The following CCND3 variants were observed in gnomAD, a reference collection of about 807,000 sequenced individuals.
CCND3 encodes the protein cyclin D3.
A neutral mutation model predicts 28.7 loss-of-function variants in CCND3; 9 were observed. The ratio of observed to expected loss-of-function variants is 0.31; its 90% CI spans 0.19 to 0.55. CCND3 has a LOEUF of 0.55. Among genes scored for constraint, CCND3 ranks in the 20% least tolerant of loss-of-function variants. CCND3 has a pLI of 0.93. For synonymous variants in CCND3, 164 were observed against 163.9 expected, an observed-to-expected ratio of 1.00 and a Z score of 0.00; for missense variants, 315 against 385.8, an observed-to-expected ratio of 0.82 and a Z score of 1.54.
intron 1 of CCND3, among the ~76,000 whole-genome samples, chr6:42,013,281 C>T (rs115139943): frequency 0.022 from 3,329 of 152,264 alleles, 136 homozygotes; most frequent in African/African-American, 0.075. Flanking sequence ...ACAGTTGATT[C>T]ATGAGTTTAG....
At chr6:42,046,743 C>T (rs1288976896) in intron 1 of CCND3, among the ~76,000 whole-genome samples, 1 of 152,196 alleles carries the variant, frequency 6.6e-6, no homozygotes, top group Non-Finnish European at 1.5e-5. Context: ...TCACTGTAAA[C>T]AGTACCAGCC....
rs1267266392 is a variant in CCND3, at chr6:41,939,350, G to A, written c.414+1020C>T. 4.6e-5 allele frequency among the ~76,000 whole-genome samples: 7 copies of A among 152,082 alleles called. No individual in the cohort carries two copies. Among genetic ancestry groups the A allele is most frequent in the African/African-American group, 1.2e-4 (5 of 41,408 alleles). ...TCAGGGTCAGCAGAAGACTTGGCCC[G>A]CCACAGAGCAAGGTGGAGGAAGGTG... is the stretch of plus-strand genomic sequence containing the variant. On this transcript the variant is annotated intron_variant, in intron 2 of 4. Coordinates refer to ENST00000372991, the MANE Select transcript of CCND3 (RefSeq NM_001760.5). The surrounding 1 kb of genome is among the most constrained non-coding windows in gnomAD (Gnocchi z 4.2).
intron 1 of CCND3, among the ~76,000 whole-genome samples, chr6:42,036,397 A>AT (rs1383271272): frequency 0.025 from 1,108 of 44,282 alleles, 40 homozygotes; most frequent in Non-Finnish European, 0.036. Context: ...ATATATATAT[A>AT]TATATATTTT....
intron 1 of CCND3, among the ~76,000 whole-genome samples, chr6:42,045,838 C>A (rs1764525530): frequency 6.6e-6 from 1 of 151,532 alleles, no homozygotes; most frequent in African/African-American, 2.4e-5. Context: ...CCCTAAACTT[C>A]CTCTTGTGGT....
rs763419802 is a variant in CCND3 at position 41,935,769 on chromosome 6, G to A, written c.*171C>T. On this transcript the variant is annotated 3_prime_UTR_variant, in exon 5 of 5. Coordinates refer to ENST00000372991, the MANE Select transcript of CCND3 (RefSeq NM_001760.5). ...CACCGAAATGCAGACATGGCTGGCCGGGCCCCTTAGTGCACACTGCGGGGA... is the reference window on the plus strand; with the variant it reads ...CACCGAAATGCAGACATGGCTGGCCAGGCCCCTTAGTGCACACTGCGGGGA... 4.1e-5 allele frequency: 25 copies of A among 613,620 alleles called. No individual in the cohort carries two copies. Among genetic ancestry groups the A allele is most frequent in the Non-Finnish European group, 7.1e-5 (25 of 350,972 alleles). 38.0% of individuals were successfully genotyped at this position (613,620 alleles called of 1,614,324 possible).
rs1169026235 is a variant in CCND3, at chr6:42,041,493, G to A, written c.-46+7008C>T. Reference sequence around the variant, plus strand: ...GTACATCTGAGGGCTTGTAACCCCAGGATGAAAATAGATGCCACATTTGAA... The same window carrying A: ...GTACATCTGAGGGCTTGTAACCCCAAGATGAAAATAGATGCCACATTTGAA... On this transcript the variant is annotated intron_variant, in intron 1 of 4. Coordinates refer to the CCND3 transcript ENST00000372988. Among the ~76,000 whole-genome samples, 3 of 152,186 alleles carry A rather than the reference G, an allele frequency of 2.0e-5. No homozygotes were observed. In the East Asian group the frequency reaches 5.8e-4, roughly 29 times the overall value.
intron 1 of CCND3, among the ~76,000 whole-genome samples, chr6:42,046,329 G>C (rs1448541274): frequency 6.6e-6 from 1 of 152,218 alleles, no homozygotes; most frequent in Non-Finnish European, 1.5e-5. Context: ...TACAGATGCA[G>C]CTTTGGAAGC....
Position 41,939,052 on chromosome 6 carries a change from C to A in CCND3, c.414+1318G>T, listed in dbSNP as rs1184679579. ...TTCCCCTTCTACCTTCCAGCCCCAACCCCTCCAAAAACATCTTGCTCTCTG... is the reference window on the plus strand; with the variant it reads ...TTCCCCTTCTACCTTCCAGCCCCAAACCCTCCAAAAACATCTTGCTCTCTG... On this transcript the variant is annotated intron_variant, in intron 2 of 4. Coordinates refer to ENST00000372991, the MANE Select transcript of CCND3 (RefSeq NM_001760.5). This position sits in a 1 kb window ranked among gnomAD's most constrained non-coding sequence, Gnocchi z 4.2. 6.6e-6 allele frequency among the ~76,000 whole-genome samples: 1 copy of A among 152,206 alleles called. No homozygotes were observed. The highest frequency in any genetic ancestry group is 1.5e-5 in the Non-Finnish European group (1 of 68,044).
chr6:42,029,702 T>C (rs1393599250), intron 1 of CCND3, among the ~76,000 whole-genome samples: 1 of 152,084 alleles, frequency 6.6e-6, no homozygotes, highest in African/African-American at 2.4e-5. Flanking sequence ...CCAGGCATGA[T>C]GGTGCATGCC....
At chr6:42,033,705 C>T (rs1764113267) in intron 1 of CCND3, among the ~76,000 whole-genome samples, 1 of 151,022 alleles carries the variant, frequency 6.6e-6, no homozygotes. Flanking sequence ...AAATAATTAG[C>T]TGGGCATGGT....
intron 1 of CCND3, among the ~76,000 whole-genome samples, chr6:42,025,116 TG>T (rs1763835973): frequency 6.6e-6 from 1 of 152,188 alleles, no homozygotes; most frequent in Non-Finnish European, 1.5e-5. Flanking sequence ...AAGCAGGGCC[TG>T]CATGAGGCCA....
chr6:41,981,999 G>A (rs938258973), intron 1 of CCND3, among the ~76,000 whole-genome samples: 2 of 151,866 alleles, frequency 1.3e-5, no homozygotes, highest in African/African-American at 4.8e-5. Flanking sequence ...GCCGGGCACG[G>A]TGGCTTATGC....
chr6:41,968,878 T>C (rs1174886466), intron 1 of CCND3, among the ~76,000 whole-genome samples: 1 of 152,146 alleles, frequency 6.6e-6, no homozygotes, highest in Non-Finnish European at 1.5e-5. Flanking sequence ...CGATCTCTGC[T>C]CACTGCAACC....
At chr6:41,959,266 A>T (rs1259569926) in intron 1 of CCND3, among the ~76,000 whole-genome samples, 1 of 152,072 alleles carries the variant, frequency 6.6e-6, no homozygotes, top group Non-Finnish European at 1.5e-5. Context: ...GTGAGCCGAG[A>T]TTGCCTCATT....
chr6:41,975,044 G>A (rs568929679), intron 1 of CCND3, among the ~76,000 whole-genome samples: 24 of 151,762 alleles, frequency 1.6e-4, no homozygotes, highest in Non-Finnish European at 3.2e-4. Flanking sequence ...CACCTGCCTC[G>A]GCCTCCCAAA....
intron 1 of CCND3, chr6:42,047,921 C>T (rs1764592604): frequency 6.6e-6 from 1 of 152,416 alleles, no homozygotes; most frequent in South Asian, 2.0e-4. Context: ...TGAATAACAT[C>T]ATTGCACCCT....
At chr6:41,959,166 T>C (rs901487357) in intron 1 of CCND3, among the ~76,000 whole-genome samples, 2 of 151,832 alleles carry the variant, frequency 1.3e-5, no homozygotes, top group African/African-American at 2.4e-5. Context: ...AATACGAAAT[T>C]AGCTGGGAGT....
chr6:41,940,437 G>A lies in CCND3; in HGVS notation c.347C>T (p.Thr116Ile). 2 of 1,614,152 alleles carry A rather than the reference G, an allele frequency of 1.2e-6. 1 individual carries two copies. Reference sequence around the variant, plus strand: ...CAGTTTTTCGATGGTCAGGGGCGTGGTCTCGCGCAGCTTGGAGGCCAGCAG... The same window carrying A: ...CAGTTTTTCGATGGTCAGGGGCGTGATCTCGCGCAGCTTGGAGGCCAGCAG... ...CMLLASKLRE[T>I]TPLTIEKLCI... is the part of the protein sequence containing the mutation. Residue 116 changes from threonine (T) to isoleucine (I), a missense_variant, in exon 2 of 5, where the codon ACC becomes ATC. Thr to Ile is a moderately conservative substitution (Grantham distance 89, BLOSUM62 -1). Coordinates refer to ENST00000372991, the MANE Select transcript of CCND3 (RefSeq NM_001760.5).
intron 1 of CCND3, among the ~76,000 whole-genome samples, chr6:41,993,410 C>CTT (rs70987558): frequency 0.2 from 20,437 of 101,568 alleles, 2,244 homozygotes; most frequent in Middle Eastern, 0.26. Context: ...CTCATGTCTT[C>CTT]TTTTTTTTTT....
Sources: allele counts gnomAD v4.1 joint callset (sites outside exome capture counted in the v4.1 genomes callset), GRCh38; gene constraint gnomAD v4.1.1; non-coding constraint Gnocchi (gnomAD v3.1); transcripts MANE v1.5; gene names NCBI Gene and HGNC (gene_info 2026-07-23, HGNC 2026-07-21).